Variants in SMARCA4 observed in about 807,000 individuals in gnomAD.
SMARCA4 encodes the protein SWI/SNF related BAF chromatin remodeling complex subunit ATPase 4, also known as SWI/SNF-related matrix-associated actin-dependent regulator of chromatin subfamily A member 4.
In SMARCA4, 31 loss-of-function variants were observed where a neutral mutation model predicts 193.9. The ratio of observed to expected loss-of-function variants is 0.16; its 90% CI spans 0.12 to 0.22. The LOEUF is 0.22. SMARCA4 is among the 10% of genes least tolerant of loss of function. The probability of loss-of-function intolerance (pLI) is 1.00; values close to 1 mark genes in which losing one functional copy is unlikely to be tolerated. For missense variants in SMARCA4, 1,148 were observed against 2,296.0 expected (o/e 0.50, Z 10.22); for synonymous variants, 942 against 933.1 (o/e 1.01, Z -0.17).
chr19:11,047,270 C>G (rs1293026189), intron 30 of SMARCA4, among the ~76,000 whole-genome samples: 2 of 152,132 alleles, frequency 1.3e-5, no homozygotes, highest in African/African-American at 4.8e-5. Context: ...CCAAGGTGGG[C>G]GGATCACTTG....
At position 11,058,280 on chromosome 19, in the gene SMARCA4, G is replaced by A. The variant is rs1600629958; in HGVS notation, c.4450G>A (p.Val1484Ile). The change falls in exon 31 of 35, where the codon GTC becomes ATC. Residue 1484 changes from valine to isoleucine, a missense_variant. Val to Ile is a conservative substitution (Grantham distance 29). Around this residue, in one of 17 missense-constraint regions of SMARCA4, gnomAD observed 141 missense variants for 193.0 expected, o/e 0.73. Transcript: ENST00000344626. This position sits in a 1 kb window ranked among gnomAD's most constrained non-coding sequence, Gnocchi z 5.8. ...DSSSGRQLSE[V>I]FIQLPSRKEL... is the part of the protein sequence containing the mutation. ...CAGCAGTGGACGTCAGCTCAGCGAG[G>A]TCTTCATCCAGCTGCCCTCGCGAAA... The A allele has an allele frequency of 1.2e-6, 2 of 1,613,224 alleles. No individual in the cohort carries two copies. Among genetic ancestry groups the A allele is most frequent in the Middle Eastern group, 1.7e-4 (1 of 6,060 alleles).
chr19:11,046,311 G>T (rs1294524170), intron 30 of SMARCA4, among the ~76,000 whole-genome samples: 2 of 152,092 alleles, frequency 1.3e-5, no homozygotes, highest in African/African-American at 2.4e-5. Flanking sequence ...TTTGATTCTG[G>T]TAGAGATTTT....
Position 11,021,238 on chromosome 19 carries a change from G to A in SMARCA4, c.2617-487G>A, listed in dbSNP as rs1261642043. 2.6e-5 allele frequency: 7 copies of A among 274,178 alleles called. 1 individual carries two copies. Among genetic ancestry groups the A allele is most frequent in the Middle Eastern group, 2.7e-3 (2 of 738 alleles). 17.0% of individuals were successfully genotyped at this position (274,178 alleles called of 1,614,324 possible). A position where few individuals can be genotyped will look rare whatever the true frequency, so the allele number is the denominator to read the frequency against. The stretch of plus-strand genomic sequence containing the variant: ...CGGCCACTGCGCCCCCTCCCGACCC[G>A]CATGGCCCTGTATGTAGTGGCGCTG... On this transcript the variant is annotated intron_variant, in intron 18 of 34. Transcript: ENST00000344626.
intron 1 of SMARCA4, among the ~76,000 whole-genome samples, chr19:10,979,533 TA>T (rs1412406486): frequency 2.0e-4 from 29 of 144,298 alleles, no homozygotes; most frequent in Non-Finnish European, 1.8e-4. Context: ...TAAGCTAATT[TA>T]AAAAAAAAAA....
chr19:10,984,380 ATC>A lies in SMARCA4; in HGVS notation c.222+8_222+9del. The A allele has an allele frequency of 6.4e-7, 1 of 1,573,706 alleles. No individual in the cohort carries two copies. The highest frequency in any genetic ancestry group is 8.6e-7 in the Non-Finnish European group (1 of 1,159,450). ...CATGCACCAGATGCACAAGGTAGGG[ATC>A]CCTGTGCCCGCCTCGCACCTGCGGC... On this transcript the variant is annotated splice_region_variant and intron_variant, in intron 2 of 34. Coordinates refer to ENST00000344626, the MANE Select transcript of SMARCA4 (RefSeq NM_003072.5). The surrounding 1 kb of genome is among the most constrained non-coding windows in gnomAD (Gnocchi z 4.3).
At chr19:10,993,164 T>C (rs752815783) in intron 8 of SMARCA4, among the ~76,000 whole-genome samples, 1 of 151,882 alleles carries the variant, frequency 6.6e-6, no homozygotes, top group African/African-American at 2.4e-5. Flanking sequence ...TTTTGTACTT[T>C]TAGTAGAGAT....
At chr19:11,011,568 C>T (rs1298542628) in intron 15 of SMARCA4, 1 of 152,202 alleles carries the variant, frequency 6.6e-6, no homozygotes, top group Non-Finnish European at 1.5e-5. Flanking sequence ...GTGCTAGTAT[C>T]AACATTCAAA....
At position 11,030,967 on chromosome 19, in the gene SMARCA4, C is replaced by A. The variant is rs970705329; in HGVS notation, c.3546+74C>A. The A allele has an allele frequency of 1.4e-6, 2 of 1,392,404 alleles. No individual in the cohort carries two copies. Among genetic ancestry groups the A allele is most frequent in the African/African-American group, 1.4e-5 (1 of 70,610 alleles). 86.3% of individuals were successfully genotyped at this position (1,392,404 alleles called of 1,614,324 possible). On this transcript the variant is annotated intron_variant, in intron 25 of 34. Transcript: ENST00000344626. The surrounding 1 kb of genome is among the most constrained non-coding windows in gnomAD (Gnocchi z 5.5). ...CAAAACCTCGAGGAGACGGCCCTGG[C>A]TTGAGGGTCCTCCAGCCTCCTCCAC...
chr19:11,011,397 G>T (rs1325923350), intron 15 of SMARCA4: 1 of 152,118 alleles, frequency 6.6e-6, no homozygotes, highest in Non-Finnish European at 1.5e-5. Context: ...GCTAGTTTTT[G>T]TATTTTTAGT....
rs1330109134 is a variant in SMARCA4 at position 11,017,903 on chromosome 19, CAGGAGAGTGGGCAGGAAAGAGTTCT to C, written c.2439-1038_2439-1014del. 2.0e-3 allele frequency among the ~76,000 whole-genome samples: 308 copies of C among 152,332 alleles called. 2 individuals are homozygous for C. The highest frequency in any genetic ancestry group is 7.2e-3 in the African/African-American group (298 of 41,574). Reference sequence around the variant, plus strand: ...GCTGCACTGCCTCCCTCGCCTCATGCAGGAGAGTGGGCAGGAAAGAGTTCTAGGAGAGTGGGCAGGGCAAAAGGCA... The same window carrying C: ...GCTGCACTGCCTCCCTCGCCTCATGCAGGAGAGTGGGCAGGGCAAAAGGCA... On this transcript the variant is annotated intron_variant, in intron 16 of 34. Transcript: ENST00000344626.
intron 29 of SMARCA4, among the ~76,000 whole-genome samples, chr19:11,036,228 G>A (rs1214755720): frequency 6.6e-6 from 1 of 152,208 alleles, no homozygotes; most frequent in African/African-American, 2.4e-5. Context: ...TGTGAGCCCT[G>A]CCACAGACCT....
chr19:10,995,830 G>A, intron 9 of SMARCA4: 1 of 368,354 alleles, frequency 2.7e-6, no homozygotes, highest in Non-Finnish European at 5.3e-6. Flanking sequence ...TTTGGCTGTG[G>A]GGTGATGTGA....
intron 13 of SMARCA4, among the ~76,000 whole-genome samples, chr19:11,003,711 ATTTT>A (rs1163471174): frequency 1.5e-5 from 2 of 135,828 alleles, no homozygotes; most frequent in South Asian, 2.3e-4. Context: ...TCATTTGCCC[ATTTT>A]TTTTTTTTTT....
Position 10,986,341 on chromosome 19 carries a change from A to T in SMARCA4, c.508A>T (p.Thr170Ser), listed in dbSNP as rs773273784. 5.6e-6 allele frequency: 9 copies of T among 1,612,872 alleles called. No individual in the cohort carries two copies. The highest frequency in any genetic ancestry group is 7.6e-6 in the Non-Finnish European group (9 of 1,179,722). ...CTTGGGGCAGCAGAACCGGGGCCCA[A>T]CCCCATTTAACCAGAACCAGCTGCA... ...QALGQQNRGP[T>S]PFNQNQLHQL... Residue 170 changes from threonine to serine, a missense_variant, in exon 4 of 35, where the codon ACC becomes TCC. Transcript: ENST00000344626. The surrounding 1 kb of genome is among the most constrained non-coding windows in gnomAD (Gnocchi z 6.7).
At chr19:11,049,489 T>G (rs2146955010) in intron 30 of SMARCA4, among the ~76,000 whole-genome samples, 1 of 151,702 alleles carries the variant, frequency 6.6e-6, no homozygotes, top group Admixed American at 6.6e-5. Context: ...TTCTGTGTTT[T>G]TTTTTTTTTT....
rs557431053 is a variant in SMARCA4 at position 11,036,182 on chromosome 19, G to A, written c.4170+1050G>A. Among the ~76,000 whole-genome samples the A allele has an allele frequency of 7.9e-5, 12 of 152,324 alleles. No individual in the cohort carries two copies. The South Asian group carries it at 1.4e-3, about 18-fold the overall frequency. ...CCCCAGCCAGCCTCCCAAGCACAGC[G>A]CTCCAGGACCCAGAAGAGAAACCCT... On this transcript the variant is annotated intron_variant, in intron 29 of 34. Coordinates refer to ENST00000344626, the MANE Select transcript of SMARCA4 (RefSeq NM_003072.5).
intron 1 of SMARCA4, chr19:10,961,581 A>G (rs1229346667): frequency 3.3e-5 from 5 of 152,168 alleles, no homozygotes; most frequent in Non-Finnish European, 7.3e-5. Flanking sequence ...TCCGACCCGA[A>G]TGTTGCGTTT....
At chr19:11,036,181 C>T (rs1214041419) in intron 29 of SMARCA4, among the ~76,000 whole-genome samples, 4 of 152,232 alleles carry the variant, frequency 2.6e-5, no homozygotes, top group East Asian at 1.9e-4. Flanking sequence ...CCAAGCACAG[C>T]GCTCCAGGAC....
In SMARCA4 at chr19:11,010,364, C is replaced by T. The variant is rs778529842; in HGVS notation, c.2124-17C>T. The T allele has an allele frequency of 3.1e-6, 5 of 1,613,772 alleles. No individual in the cohort carries two copies. Among genetic ancestry groups the T allele is most frequent in the Non-Finnish European group, 4.2e-6 (5 of 1,179,926 alleles). On this transcript the variant is annotated splice_polypyrimidine_tract_variant and intron_variant, in intron 14 of 34. Transcript: ENST00000344626. ...AGGAATGTGTGTCCTTACCCGGCAC[C>T]TCCATCTCACTCCCAGGAATGCCAA...
Sources: allele counts gnomAD v4.1 joint callset (sites outside exome capture counted in the v4.1 genomes callset), GRCh38; gene constraint gnomAD v4.1.1; regional missense constraint gnomAD v4.1.1; non-coding constraint Gnocchi (gnomAD v3.1); transcripts MANE v1.5; gene names NCBI Gene and HGNC (gene_info 2026-07-23, HGNC 2026-07-21).